Variants in ABCG2 observed in about 807,000 individuals in gnomAD.
The protein encoded by ABCG2 is broad substrate specificity ATP-binding cassette transporter ABCG2.
ABCG2 carries 80 observed loss-of-function variants against 73.5 expected under a neutral mutation model. The ratio of observed to expected loss-of-function variants is 1.09; its 90% CI spans 0.91 to 1.31. The LOEUF (loss-of-function observed/expected upper bound fraction) is 1.31, where lower values mean the gene tolerates loss of function less well. Ranked by LOEUF, ABCG2 falls within the 50% of genes most tolerant of loss-of-function variation. The probability of loss-of-function intolerance (pLI) is 0.00; values close to 1 mark genes in which losing one functional copy is unlikely to be tolerated. For synonymous variants in ABCG2, 269 were observed against 282.4 expected, an observed-to-expected ratio of 0.95 and a Z score of 0.48; for missense variants, 796 against 786.2, an observed-to-expected ratio of 1.01 and a Z score of -0.15.
At chr4:88,175,842 T>C (rs763630593) in intron 1 of ABCG2, among the ~76,000 whole-genome samples, 2 of 152,168 alleles carry the variant, frequency 1.3e-5, no homozygotes, top group Non-Finnish European at 2.9e-5. Context: ...GAGTGAGAAA[T>C]AGCATTTAGG....
chr4:88,216,307 A>C (rs1729809874), intron 1 of ABCG2, among the ~76,000 whole-genome samples: 1 of 152,134 alleles, frequency 6.6e-6, no homozygotes, highest in African/African-American at 2.4e-5. Flanking sequence ...CTATGCATGG[A>C]CCTTTTGGAA....
intron 1 of ABCG2, among the ~76,000 whole-genome samples, chr4:88,149,839 G>A (rs1203304069): frequency 6.6e-6 from 1 of 152,100 alleles, no homozygotes; most frequent in Non-Finnish European, 1.5e-5. Flanking sequence ...CAACAAGAGC[G>A]AAACTCTGTC....
chr4:88,213,968 C>A (rs1303959905), intron 1 of ABCG2, among the ~76,000 whole-genome samples: 1 of 146,798 alleles, frequency 6.8e-6, no homozygotes, highest in East Asian at 2.0e-4. Flanking sequence ...CAGCCATGAG[C>A]CACCACGCCC....
intron 11 of ABCG2, among the ~76,000 whole-genome samples, chr4:88,101,000 C>T (rs1241933625): frequency 1.3e-5 from 2 of 152,198 alleles, no homozygotes; most frequent in Non-Finnish European, 1.5e-5. Flanking sequence ...TCTTCCCTAC[C>T]TCTGGCTGCT....
At chr4:88,170,921 C>T (rs1424991449) in intron 1 of ABCG2, among the ~76,000 whole-genome samples, 1 of 152,042 alleles carries the variant, frequency 6.6e-6, no homozygotes. Flanking sequence ...ACATATACAC[C>T]ATGAAGTACT....
rs1192900601 is a variant in ABCG2, at chr4:88,158,548, C to T, written c.-182G>A. On this transcript the variant is annotated 5_prime_UTR_variant, in exon 1 of 16. The change abolishes an upstream ATG in the 5' untranslated region. Transcript: ENST00000237612. ...GTTTCCACTTAACAAGACCACCAAG[C>T]ATGTGCACGGTGCGTTCCTAAATCC... 2 of 456,470 alleles carry T rather than the reference C, an allele frequency of 4.4e-6. No individual in the cohort carries two copies. The highest frequency in any genetic ancestry group is 2.0e-5 in the African/African-American group (1 of 50,210). The allele number at this position is 456,470 out of a possible 1,614,324, so 28.3% of individuals were successfully genotyped here. A position where few individuals can be genotyped will look rare whatever the true frequency, so the allele number is the denominator to read the frequency against.
chr4:88,196,776 T>C (rs1031155211), intron 1 of ABCG2, among the ~76,000 whole-genome samples: 1 of 145,436 alleles, frequency 6.9e-6, no homozygotes, highest in African/African-American at 2.6e-5. Context: ...GCTCTTACAC[T>C]GAAGATTACC....
At chr4:88,129,204 G>A (rs974992879) in intron 5 of ABCG2, among the ~76,000 whole-genome samples, 10 of 152,034 alleles carry the variant, frequency 6.6e-5, no homozygotes, top group Admixed American at 3.3e-4. Flanking sequence ...CAATTACCAT[G>A]AGGCTCCCCA....
chr4:88,098,645 G>GAGAGGGAGAGAT (rs145841198), intron 12 of ABCG2, among the ~76,000 whole-genome samples: 1 of 143,904 alleles, frequency 6.9e-6, no homozygotes, highest in African/African-American at 2.6e-5. Flanking sequence ...GAGACAGGGA[G>GAGAGGGAGAGAT]AGATAGATAG....
At chr4:88,155,233 T>C (rs1357679250) in intron 1 of ABCG2, among the ~76,000 whole-genome samples, 1 of 152,146 alleles carries the variant, frequency 6.6e-6, no homozygotes, top group African/African-American at 2.4e-5. Flanking sequence ...TATCCAACCA[T>C]GCCTAGGAAG....
intron 1 of ABCG2, among the ~76,000 whole-genome samples, chr4:88,225,285 G>T (rs927395204): frequency 1.3e-5 from 2 of 152,168 alleles, no homozygotes; most frequent in Non-Finnish European, 2.9e-5. Flanking sequence ...ATAAACAAGA[G>T]GGTATGGCTG....
chr4:88,146,898 AGAAGGAAGGAAG>A (rs34167974), intron 1 of ABCG2, among the ~76,000 whole-genome samples: 15 of 124,516 alleles, frequency 1.2e-4, no homozygotes, highest in African/African-American at 4.7e-4. Flanking sequence ...AAAAGGAGAA[AGAAGGAAGGAAG>A]GAAGGAAGGA....
At chr4:88,105,526 G>T (rs1722715025) in intron 10 of ABCG2, among the ~76,000 whole-genome samples, 1 of 152,084 alleles carries the variant, frequency 6.6e-6, no homozygotes, top group South Asian at 2.1e-4. Context: ...GGTTTTTAAG[G>T]GTCCACTGTG....
chr4:88,137,438 C>T, intron 2 of ABCG2, among the ~76,000 whole-genome samples: 1 of 152,102 alleles, frequency 6.6e-6, no homozygotes, highest in Non-Finnish European at 1.5e-5. Context: ...ACATTATAGC[C>T]AAGTTTGGCA....
chr4:88,098,623 CAT>C (rs1385457211), intron 12 of ABCG2, among the ~76,000 whole-genome samples: 1 of 134,804 alleles, frequency 7.4e-6, no homozygotes, highest in South Asian at 2.4e-4. Flanking sequence ...TATATATATA[CAT>C]ATATAGAGAG....
chr4:88,225,612 G>T (rs1187754289), intron 1 of ABCG2, among the ~76,000 whole-genome samples: 1 of 152,160 alleles, frequency 6.6e-6, no homozygotes, highest in Admixed American at 6.6e-5. Context: ...TTCTCACAGG[G>T]CTTTGATGTA....
In ABCG2 at chr4:88,131,803, T is replaced by C. The variant is rs1382386031; in HGVS notation, c.378A>G (p.Gln126=). 1 of 1,611,378 alleles carries C rather than the reference T, an allele frequency of 6.2e-7. No individual in the cohort carries two copies. The highest frequency in any genetic ancestry group is 1.7e-5 in the Admixed American group (1 of 59,958). Reference sequence around the variant, plus strand: ...AAAATGCAAACCCACTAATACTTACTTGTACCACGTAACCTGAATTACATT... The same window carrying C: ...AAAATGCAAACCCACTAATACTTACCTGTACCACGTAACCTGAATTACATT... The part of the protein sequence containing the change: ...NFKCNSGYVV[Q]DDVVMGTLTV... Residue 126 remains glutamine, a splice_region_variant and synonymous_variant, in exon 4 of 16, where the codon CAA becomes CAG. Coordinates refer to ENST00000237612, the MANE Select transcript of ABCG2 (RefSeq NM_004827.3).
intron 1 of ABCG2, among the ~76,000 whole-genome samples, chr4:88,192,135 C>T (rs533107244): frequency 2.0e-5 from 3 of 150,412 alleles, no homozygotes; most frequent in East Asian, 2.0e-4. Flanking sequence ...GAGCCAAGAT[C>T]GTGTCACTGC....
At chr4:88,181,002 C>T (rs1414661705) in intron 1 of ABCG2, among the ~76,000 whole-genome samples, 1 of 151,804 alleles carries the variant, frequency 6.6e-6, no homozygotes, top group East Asian at 1.9e-4. Flanking sequence ...TAGAAAAAAA[C>T]AAAAAGCTAA....
Sources: allele counts gnomAD v4.1 joint callset (sites outside exome capture counted in the v4.1 genomes callset), GRCh38; gene constraint gnomAD v4.1.1; transcripts MANE v1.5; gene names NCBI Gene and HGNC (gene_info 2026-07-23, HGNC 2026-07-21).